SMCHD1: variants seen among roughly 807,000 people sequenced by gnomAD.
The protein encoded by SMCHD1 is structural maintenance of chromosomes flexible hinge domain containing 1.
SMCHD1 carries 78 observed loss-of-function variants against 254.7 expected under a neutral mutation model. The ratio of observed to expected loss-of-function variants is 0.31; its 90% CI spans 0.26 to 0.37. The LOEUF is 0.37. Among genes scored for constraint, SMCHD1 ranks in the 10% least tolerant of loss-of-function variants. SMCHD1 has a pLI of 1.00. For synonymous variants in SMCHD1, 766 were observed against 794.9 expected (o/e 0.96, Z 0.61); for missense variants, 1,840 against 2,408.1 (o/e 0.76, Z 4.94).
intron 20 of SMCHD1, among the ~76,000 whole-genome samples, chr18:2,723,238 C>G (rs797002383): frequency 2.8e-4 from 43 of 152,114 alleles, no homozygotes; most frequent in African/African-American, 9.6e-4. Flanking sequence ...AATGTAATAC[C>G]GTTTTCACTG....
At chr18:2,708,907 T>TATATATATATATATATATATAAATAA (rs769432583) in intron 17 of SMCHD1, among the ~76,000 whole-genome samples, 8 of 44,706 alleles carry the variant, frequency 1.8e-4, no homozygotes, top group African/African-American at 6.7e-4. Flanking sequence ...TATATATATA[T>TATATATATATATATATATATAAATAA]AACATATTAA....
rs2143155270 is a variant in SMCHD1 at position 2,697,998 on chromosome 18, A to G, written c.1299A>G (p.Leu433=). 6.2e-7 allele frequency: 1 copy of G among 1,613,548 alleles called. No individual in the cohort carries two copies. Among genetic ancestry groups the G allele is most frequent in the South Asian group, 1.1e-5 (1 of 91,070 alleles). Residue 433 remains leucine (L), a synonymous_variant, in exon 10 of 48, where the codon TTA becomes TTG. Transcript: ENST00000320876. ...VEGIIRYHPF[L]YDRETYPDDP... is the part of the protein sequence containing the mutation. ...GGATTATCCGTTATCATCCATTCTT[A>G]TATGATAGAGAAACTTACCCTGATG...
At chr18:2,697,008 T>A in intron 8 of SMCHD1, 24 bp from the exon 9 acceptor site, 1 of 1,049,472 alleles carries the variant, frequency 9.5e-7, no homozygotes. Context: ...ATTAAAAGTA[T>A]AAAATTATTC....
Position 2,656,064 on chromosome 18 carries a change from CT to C in SMCHD1, c.-8del. 2.9e-6 allele frequency: 4 copies of C among 1,376,204 alleles called. No homozygotes were observed. The highest frequency in any genetic ancestry group is 1.9e-6 in the Non-Finnish European group (2 of 1,060,228). The allele number at this position is 1,376,204 out of a possible 1,614,324, so 85.2% of individuals were successfully genotyped here. A position where few individuals can be genotyped will look rare whatever the true frequency, so the allele number is the denominator to read the frequency against. The stretch of plus-strand genomic sequence containing the variant: ...GCGGCAGGCGTCGCTGTCTTTTCTC[CT>C]TTTCCCCAATATGGCAGCGGCGGAC... On this transcript the variant is annotated 5_prime_UTR_variant, in exon 1 of 48. Transcript: ENST00000320876.
chr18:2,736,597 ATAACTTGT>A (rs1238168364), intron 25 of SMCHD1, among the ~76,000 whole-genome samples: 3 of 145,100 alleles, frequency 2.1e-5, no homozygotes, highest in African/African-American at 4.9e-5. Flanking sequence ...ATATGAATAG[ATAACTTGT>A]TAAGAGAAGA....
chr18:2,737,973 T>TC lies in SMCHD1; in HGVS notation c.3277-423dup, dbSNP rs1202498816. Among the ~76,000 whole-genome samples, 4 of 152,336 alleles carry TC rather than the reference T, an allele frequency of 2.6e-5. No homozygotes were observed. The East Asian group carries it at 7.7e-4, about 29-fold the overall frequency. Reference sequence around the variant, plus strand: ...TATGGCCAGAAAGTTAGATCAAACTTCTTTTTTCTCACCTTGCTAAGAATA... The same window carrying TC: ...TATGGCCAGAAAGTTAGATCAAACTTCCTTTTTTCTCACCTTGCTAAGAATA... On this transcript the variant is annotated intron_variant, in intron 25 of 47. Coordinates refer to ENST00000320876, the MANE Select transcript of SMCHD1 (RefSeq NM_015295.3).
chr18:2,801,588 T>C (rs1389411257), intron 47 of SMCHD1, among the ~76,000 whole-genome samples: 1 of 152,170 alleles, frequency 6.6e-6, no homozygotes, highest in Non-Finnish European at 1.5e-5. Flanking sequence ...ATTGGTATAT[T>C]TCATCCATAC....
intron 45 of SMCHD1, among the ~76,000 whole-genome samples, chr18:2,790,488 G>A (rs917824509): frequency 3.3e-5 from 5 of 152,126 alleles, no homozygotes; most frequent in Admixed American, 1.3e-4. Context: ...GGCCGGACAC[G>A]GTGGCTCAGG....
chr18:2,674,198 G>A, intron 5 of SMCHD1, 53 bp downstream of exon 5: 1 of 1,468,006 alleles, frequency 6.8e-7, no homozygotes, highest in Non-Finnish European at 9.1e-7. Flanking sequence ...TTTTAGTAAG[G>A]ATAAAAAACT....
chr18:2,666,288 T>C, intron 2 of SMCHD1, 56 bp downstream of exon 2: 1 of 775,672 alleles, frequency 1.3e-6, no homozygotes, highest in Non-Finnish European at 2.1e-6. Context: ...GTTTAGTACA[T>C]ATATAGCAAT....
chr18:2,683,908 T>G (rs2073983695), intron 5 of SMCHD1, among the ~76,000 whole-genome samples: 1 of 152,196 alleles, frequency 6.6e-6, no homozygotes, highest in South Asian at 2.1e-4. Context: ...GTACCTTTAT[T>G]ATTATATATG....
Position 2,766,095 on chromosome 18 carries a change from G to A in SMCHD1, c.4719+2306G>A, listed in dbSNP as rs1023597711. ...TGCAAGCTCTGCCTCCCGGGTTCAC[G>A]CCATTCTCCTGTCTCAGCCTCCCAA... On this transcript the variant is annotated intron_variant, in intron 37 of 47. Coordinates refer to ENST00000320876, the MANE Select transcript of SMCHD1 (RefSeq NM_015295.3). 4.6e-5 allele frequency among the ~76,000 whole-genome samples: 7 copies of A among 151,198 alleles called. No individual in the cohort carries two copies. In the South Asian group the frequency reaches 8.4e-4, roughly 18 times the overall value.
At position 2,750,100 on chromosome 18, in the gene SMCHD1, G is replaced by T. The variant is rs775557238; in HGVS notation, c.3985G>T (p.Val1329Leu). The T allele has an allele frequency of 6.3e-7, 1 of 1,581,286 alleles. No individual in the cohort carries two copies. Among genetic ancestry groups the T allele is most frequent in the Admixed American group, 1.8e-5 (1 of 54,888 alleles). Residue 1329 changes from valine (V) to leucine (L), a missense_variant, in exon 31 of 48, where the codon GTA becomes TTA. Transcript: ENST00000320876. ...TDEKGRANLGVFSVFAPRGEH... is the reference protein window; with the variant it reads ...TDEKGRANLGLFSVFAPRGEH... ...TGAGAAAGGCAGGGCTAATTTGGGA[G>T]TATTCAGTGTTTTTGCCCCTAGGTA...
At chr18:2,755,358 C>G (rs1273040198) in intron 34 of SMCHD1, among the ~76,000 whole-genome samples, 1 of 151,856 alleles carries the variant, frequency 6.6e-6, no homozygotes, top group Non-Finnish European at 1.5e-5. Context: ...TTTTTGTGGA[C>G]TCAAGGTCTC....
intron 30 of SMCHD1, among the ~76,000 whole-genome samples, chr18:2,749,289 A>G (rs1388871949): frequency 1.3e-5 from 2 of 151,680 alleles, no homozygotes; most frequent in Non-Finnish European, 2.9e-5. Flanking sequence ...ATTATTACCT[A>G]CTCTTTAGGT....
chr18:2,685,082 G>A (rs2074012869), intron 5 of SMCHD1, among the ~76,000 whole-genome samples: 1 of 126,788 alleles, frequency 7.9e-6, no homozygotes, highest in African/African-American at 2.9e-5. Flanking sequence ...ACACTGTTCT[G>A]TTCTGTCCCT....
chr18:2,746,063 T>G (rs1267490909), intron 29 of SMCHD1, among the ~76,000 whole-genome samples: 1 of 152,134 alleles, frequency 6.6e-6, no homozygotes, highest in Non-Finnish European at 1.5e-5. Flanking sequence ...GGCTCATGCC[T>G]TGTAATCCCA....
intron 47 of SMCHD1, among the ~76,000 whole-genome samples, chr18:2,798,832 C>G (rs1430161787): frequency 6.6e-6 from 1 of 152,116 alleles, no homozygotes; most frequent in East Asian, 1.9e-4. Context: ...GACCAGAACC[C>G]ACTTCCCACT....
chr18:2,675,060 A>G (rs2073709372), intron 5 of SMCHD1, among the ~76,000 whole-genome samples: 2 of 152,214 alleles, frequency 1.3e-5, no homozygotes, highest in Admixed American at 1.3e-4. Flanking sequence ...ATCGTGTGAC[A>G]TTGGTCAACT....
Sources: gnomAD v4.1 joint callset for allele counts (sites outside exome capture counted in the v4.1 genomes callset) on GRCh38, gnomAD v4.1.1 for gene constraint, MANE v1.5 for transcripts, NCBI Gene and HGNC (gene_info 2026-07-23, HGNC 2026-07-21) for gene names.